The following AGBL4 variants were observed in gnomAD, a reference collection of about 807,000 sequenced individuals.
AGBL4 encodes the protein AGBL carboxypeptidase 4.
In AGBL4, 58 loss-of-function variants were observed where a neutral mutation model predicts 66.4. The observed-to-expected ratio is 0.87, with a 90% CI of 0.71 to 1.09. AGBL4 has a LOEUF of 1.09. Ranked by LOEUF, AGBL4 falls within the 50% of genes least tolerant of loss-of-function variation. The probability of loss-of-function intolerance (pLI) is 0.00; values close to 1 mark genes in which losing one functional copy is unlikely to be tolerated. For missense variants in AGBL4, 579 were observed against 631.0 expected (o/e 0.92, Z 0.88); for synonymous variants, 234 against 222.9 (o/e 1.05, Z -0.44).
intron 6 of AGBL4, among the ~76,000 whole-genome samples, chr1:48,731,131 A>G (rs1426514492): frequency 6.6e-6 from 1 of 152,236 alleles, no homozygotes; most frequent in Non-Finnish European, 1.5e-5. Flanking sequence ...AGACAAAATA[A>G]ATACAAACAA....
chr1:48,714,347 G>A (rs893267462), intron 6 of AGBL4, among the ~76,000 whole-genome samples: 15 of 152,164 alleles, frequency 9.9e-5, no homozygotes, highest in Non-Finnish European at 1.5e-4. Flanking sequence ...TCCCCTCCCA[G>A]CCAATGATAT....
At chr1:49,124,683 AG>A (rs1645730228) in intron 4 of AGBL4, among the ~76,000 whole-genome samples, 1 of 152,234 alleles carries the variant, frequency 6.6e-6, no homozygotes, top group African/African-American at 2.4e-5. Context: ...CTTATCATAC[AG>A]GGTTGTTAAG....
intron 2 of AGBL4, among the ~76,000 whole-genome samples, chr1:49,715,947 T>G (rs1293380375): frequency 6.6e-6 from 1 of 152,170 alleles, no homozygotes; most frequent in African/African-American, 2.4e-5. Flanking sequence ...CAGAAGCTCT[T>G]TAGTTTAATT....
intron 4 of AGBL4, among the ~76,000 whole-genome samples, chr1:49,174,446 C>T (rs1351161163): frequency 6.6e-6 from 1 of 152,068 alleles, no homozygotes; most frequent in Non-Finnish European, 1.5e-5. Context: ...AAATAAATGT[C>T]ATATTTAGCA....
intron 6 of AGBL4, among the ~76,000 whole-genome samples, chr1:48,773,404 A>C (rs1359626187): frequency 6.6e-6 from 1 of 152,122 alleles, no homozygotes; most frequent in Non-Finnish European, 1.5e-5. Context: ...GGTGAGTCAA[A>C]CTTTGAGTTA....
At chr1:48,676,594 C>T (rs1243058469) in intron 6 of AGBL4, among the ~76,000 whole-genome samples, 7 of 152,280 alleles carry the variant, frequency 4.6e-5, no homozygotes, top group Middle Eastern at 3.4e-3. Context: ...AATAGAAATA[C>T]CTGATTAAGA....
intron 5 of AGBL4, among the ~76,000 whole-genome samples, chr1:48,947,758 G>C (rs867445651): frequency 8.2e-4 from 125 of 152,282 alleles, no homozygotes; most frequent in African/African-American, 2.7e-3. Context: ...ACTGATTTCA[G>C]GTGAGGGCTG....
intron 3 of AGBL4, among the ~76,000 whole-genome samples, chr1:49,531,997 C>G (rs1558026871): frequency 6.6e-6 from 1 of 152,082 alleles, no homozygotes; most frequent in Non-Finnish European, 1.5e-5. Flanking sequence ...TAGTAACTCT[C>G]ACTACGACTG....
chr1:48,642,188 A>C (rs1228940291), intron 8 of AGBL4, among the ~76,000 whole-genome samples: 1 of 152,138 alleles, frequency 6.6e-6, no homozygotes, highest in Non-Finnish European at 1.5e-5. Flanking sequence ...GGATGTGCCC[A>C]AGGTTTATAG....
chr1:49,599,062 CTT>C (rs1558088693), intron 3 of AGBL4, among the ~76,000 whole-genome samples: 1 of 152,202 alleles, frequency 6.6e-6, no homozygotes, highest in East Asian at 1.9e-4. Context: ...CTGAAATACT[CTT>C]TTTTGTTTTT....
intron 9 of AGBL4, among the ~76,000 whole-genome samples, chr1:48,620,509 T>A (rs1484478091): frequency 6.6e-6 from 1 of 152,134 alleles, no homozygotes; most frequent in Non-Finnish European, 1.5e-5. Context: ...GCAATCCTCC[T>A]GCTTGGGTCT....
At chr1:49,414,308 G>GA (rs1645381026) in intron 3 of AGBL4, among the ~76,000 whole-genome samples, 1 of 152,012 alleles carries the variant, frequency 6.6e-6, no homozygotes, top group South Asian at 2.1e-4. Context: ...AAATACATGA[G>GA]AAAAAATGAA....
At chr1:48,733,875 T>C (rs1485070217) in intron 6 of AGBL4, among the ~76,000 whole-genome samples, 1 of 152,160 alleles carries the variant, frequency 6.6e-6, no homozygotes, top group Non-Finnish European at 1.5e-5. Flanking sequence ...TGTTTGGAAA[T>C]GAGGCCACAG....
At chr1:49,900,541 A>G (rs1320926398) in intron 1 of AGBL4, among the ~76,000 whole-genome samples, 1 of 152,162 alleles carries the variant, frequency 6.6e-6, no homozygotes, top group Admixed American at 6.6e-5. Flanking sequence ...CACTGAGCCC[A>G]GCTGTCAAGA....
chr1:49,567,815 T>C (rs1419319770), intron 3 of AGBL4, among the ~76,000 whole-genome samples: 1 of 152,170 alleles, frequency 6.6e-6, no homozygotes, highest in African/African-American at 2.4e-5. Flanking sequence ...GTTCAACATA[T>C]GCAAATAAAC....
intron 2 of AGBL4, among the ~76,000 whole-genome samples, chr1:49,810,366 T>C (rs1036588321): frequency 1.3e-5 from 2 of 152,196 alleles, no homozygotes; most frequent in African/African-American, 4.8e-5. Flanking sequence ...AAAGTAACTA[T>C]ACTAGAAAGT....
intron 3 of AGBL4, among the ~76,000 whole-genome samples, chr1:49,309,702 T>G (rs1278280423): frequency 6.6e-6 from 1 of 151,940 alleles, no homozygotes; most frequent in Non-Finnish European, 1.5e-5. Context: ...GAAATAAAAT[T>G]ACATAGTCAC....
intron 1 of AGBL4, chr1:49,865,875 G>A: frequency 2.9e-6 from 1 of 340,872 alleles, no homozygotes; most frequent in Non-Finnish European, 5.9e-6. Context: ...AACATTACAG[G>A]AGCTGTTAAT....
At chr1:48,687,402 G>C (rs186618726) in intron 6 of AGBL4, among the ~76,000 whole-genome samples, 1 of 152,268 alleles carries the variant, frequency 6.6e-6, no homozygotes, top group East Asian at 1.9e-4. Context: ...GCGGGTGGGC[G>C]GGTGCTCTTG....
Sources: gnomAD v4.1 joint callset for allele counts (sites outside exome capture counted in the v4.1 genomes callset) on GRCh38, gnomAD v4.1.1 for gene constraint, MANE v1.5 for transcripts, NCBI Gene and HGNC (gene_info 2026-07-23, HGNC 2026-07-21) for gene names.